CLNK: variants seen among roughly 807,000 people sequenced by gnomAD.
CLNK encodes the protein cytokine-dependent hematopoietic cell linker.
A neutral mutation model predicts 68.6 loss-of-function variants in CLNK; 74 were observed. That is an observed-to-expected ratio of 1.08 (90% CI 0.89 to 1.31). The LOEUF is 1.31. Ranked by LOEUF, CLNK falls within the 50% of genes most tolerant of loss-of-function variation. The pLI is 0.00. For missense variants in CLNK, 553 were observed against 515.3 expected (o/e 1.07, Z -0.71); for synonymous variants, 198 against 172.2 (o/e 1.15, Z -1.17).
intron 1 of CLNK, 32 bp from the exon 2 acceptor site, chr4:10,667,943 AC>A: frequency 8.6e-7 from 1 of 1,168,140 alleles, no homozygotes; most frequent in South Asian, 1.5e-5. Flanking sequence ...CGTTACTGGA[AC>A]TTCCACATCA....
chr4:10,490,781 C>A (rs1158164277), intron 18 of CLNK, among the ~76,000 whole-genome samples, 168 bp from the exon 19 acceptor site: 1 of 151,954 alleles, frequency 6.6e-6, no homozygotes, highest in African/African-American at 2.4e-5. Context: ...TTGTTTTTTT[C>A]TGAGACGTTG....
chr4:10,687,755 C>T (rs770691832), upstream of CLNK, among the ~76,000 whole-genome samples: 5 of 152,194 alleles, frequency 3.3e-5, no homozygotes, highest in Non-Finnish European at 5.9e-5. Flanking sequence ...CCTGCATGTT[C>T]TTGCTTCCTG....
intron 2 of CLNK, among the ~76,000 whole-genome samples, chr4:10,636,359 A>C (rs1404684371): frequency 1.3e-5 from 2 of 152,186 alleles, no homozygotes; most frequent in African/African-American, 2.4e-5. Context: ...CCATGTAACG[A>C]TAGAGGCAGA....
rs1238582068 is a variant in CLNK at position 10,525,835 on chromosome 4, C to T, written c.731+6G>A. 8.3e-6 allele frequency: 13 copies of T among 1,559,010 alleles called. No individual in the cohort carries two copies. The highest frequency in any genetic ancestry group is 1.0e-5 in the Non-Finnish European group (12 of 1,143,738). ...CAGACCTGAGAAAGGATTCCTGGCT[C>T]CTTACCTGCTAATGGCAAGTGGAAT... On this transcript the variant is annotated splice_donor_region_variant and intron_variant, in intron 14 of 18. Transcript: ENST00000226951.
At chr4:10,632,942 A>C (rs1464634127) in intron 2 of CLNK, among the ~76,000 whole-genome samples, 2 of 152,180 alleles carry the variant, frequency 1.3e-5, no homozygotes, top group Non-Finnish European at 2.9e-5. Flanking sequence ...CAGAGAAAAG[A>C]TAAGCATTTT....
chr4:10,583,878 G>C (rs1299026732), intron 4 of CLNK, among the ~76,000 whole-genome samples: 1 of 152,154 alleles, frequency 6.6e-6, no homozygotes, highest in Non-Finnish European at 1.5e-5. Context: ...TGTGCTTTAT[G>C]ATTCACCGGT....
intron 11 of CLNK, among the ~76,000 whole-genome samples, chr4:10,534,814 C>T (rs1348574694): frequency 1.3e-5 from 2 of 152,018 alleles, no homozygotes; most frequent in Non-Finnish European, 2.9e-5. Context: ...TGCCCTATAC[C>T]CAGTTTCCCC....
chr4:10,699,216 C>CACATA, the CLNK span, among the ~76,000 whole-genome samples: 1 of 140,090 alleles, frequency 7.1e-6, no homozygotes, highest in Non-Finnish European at 1.6e-5. Context: ...CACATACACA[C>CACATA]CACATATGTG....
Position 10,540,541 on chromosome 4 carries a change from T to C in CLNK, c.555A>G (p.Pro185=). The C allele has an allele frequency of 6.2e-7, 1 of 1,613,832 alleles. No homozygotes were observed. Among genetic ancestry groups the C allele is most frequent in the Non-Finnish European group, 8.5e-7 (1 of 1,179,814 alleles). Reference sequence around the variant, plus strand: ...GAAAGGTGTGTCTCTGAGATAAAGGTGGCCTGCTGCTCTCCGGCTCAGGGG... The same window carrying C: ...GAAAGGTGTGTCTCTGAGATAAAGGCGGCCTGCTGCTCTCCGGCTCAGGGG... ...PLPPEPESSR[P]PLSQRHTFPE... The change falls in exon 11 of 19, where the codon CCA becomes CCG. Residue 185 remains proline, a synonymous_variant. Coordinates refer to ENST00000226951, the MANE Select transcript of CLNK (RefSeq NM_052964.4).
intron 18 of CLNK, among the ~76,000 whole-genome samples, chr4:10,494,700 C>T (rs1235878108): frequency 6.6e-6 from 1 of 152,180 alleles, no homozygotes; most frequent in Non-Finnish European, 1.5e-5. Context: ...CTCAAGTGAT[C>T]CACCCGCCTT....
chr4:10,658,808 G>A (rs1434083788), intron 2 of CLNK, among the ~76,000 whole-genome samples: 1 of 152,220 alleles, frequency 6.6e-6, no homozygotes, highest in Non-Finnish European at 1.5e-5. Context: ...AGTTAAGGGA[G>A]GTGGAGAAAT....
intron 7 of CLNK, among the ~76,000 whole-genome samples, chr4:10,559,133 C>T (rs955605882): frequency 1.3e-5 from 2 of 152,170 alleles, no homozygotes; most frequent in Non-Finnish European, 2.9e-5. Flanking sequence ...AACTGGAAGA[C>T]ATAAAGGTGA....
At chr4:10,725,816 T>G in the CLNK span, among the ~76,000 whole-genome samples, 1 of 150,316 alleles carries the variant, frequency 6.7e-6, no homozygotes, top group African/African-American at 2.5e-5. Flanking sequence ...GATGCGCCAC[T>G]GCACTCCAGC....
In CLNK at chr4:10,571,823, G is replaced by A; in HGVS notation, c.113-45C>T. The A allele has an allele frequency of 2.0e-6, 3 of 1,491,596 alleles. No individual in the cohort carries two copies. In the South Asian group the frequency reaches 3.4e-5, roughly 17 times the overall value. The allele number at this position is 1,491,596 out of a possible 1,614,324, so 92.4% of individuals were successfully genotyped here. A position where few individuals can be genotyped will look rare whatever the true frequency, so the allele number is the denominator to read the frequency against. ...GAGTGTTATTTTAATCACTGTGGTAGCTCCAAACATCAAAAAGACTGGGCC... is the reference window on the plus strand; with the variant it reads ...GAGTGTTATTTTAATCACTGTGGTAACTCCAAACATCAAAAAGACTGGGCC... On this transcript the variant is annotated intron_variant, in intron 4 of 18. Transcript: ENST00000226951.
intron 2 of CLNK, among the ~76,000 whole-genome samples, chr4:10,653,507 A>G (rs1457082909): frequency 1.3e-5 from 2 of 152,218 alleles, no homozygotes; most frequent in Non-Finnish European, 2.9e-5. Context: ...TCAGCAAATT[A>G]TAATTCAAAG....
intron 8 of CLNK, among the ~76,000 whole-genome samples, chr4:10,551,426 T>TAA: frequency 7.9e-6 from 1 of 126,854 alleles, no homozygotes; most frequent in Non-Finnish European, 1.9e-5. Flanking sequence ...TTTGTATATA[T>TAA]ATATATTTTT....
chr4:10,629,188 C>A (rs1249226429), intron 2 of CLNK, among the ~76,000 whole-genome samples: 1 of 152,096 alleles, frequency 6.6e-6, no homozygotes, highest in Admixed American at 6.5e-5. Flanking sequence ...TCCCGTGTCA[C>A]CTAAAGCTAT....
At chr4:10,625,237 G>A (rs1427706922) in intron 2 of CLNK, among the ~76,000 whole-genome samples, 2 of 152,344 alleles carry the variant, frequency 1.3e-5, no homozygotes, top group East Asian at 3.9e-4. Context: ...TGCTGTGACA[G>A]GGAAACATTA....
intron 1 of CLNK, among the ~76,000 whole-genome samples, chr4:10,680,353 A>T (rs183932557): frequency 8.7e-6 from 1 of 115,270 alleles, no homozygotes; most frequent in Admixed American, 1.2e-4. Context: ...AACATCACAC[A>T]CTGGGGCCTG....
Sources: gnomAD v4.1 joint callset for allele counts (sites outside exome capture counted in the v4.1 genomes callset) on GRCh38, gnomAD v4.1.1 for gene constraint, MANE v1.5 for transcripts, NCBI Gene and HGNC (gene_info 2026-07-23, HGNC 2026-07-21) for gene names.